Variants in RNF216 observed in about 807,000 individuals in gnomAD.
RNF216 encodes E3 ubiquitin-protein ligase RNF216.
Under a neutral mutation model 110.8 loss-of-function variants are expected in RNF216, and 72 were observed. That is an observed-to-expected ratio of 0.65 (90% CI 0.54 to 0.79). The LOEUF (loss-of-function observed/expected upper bound fraction) is 0.79, where lower values mean the gene tolerates loss of function less well. Ranked by LOEUF, RNF216 falls within the 30% of genes least tolerant of loss-of-function variation. The probability of loss-of-function intolerance (pLI) is 0.00; values close to 1 mark genes in which losing one functional copy is unlikely to be tolerated. For missense variants in RNF216, 1,342 were observed against 1,141.2 expected, an observed-to-expected ratio of 1.18 and a Z score of -2.54; for synonymous variants, 495 against 407.5, an observed-to-expected ratio of 1.21 and a Z score of -2.59.
chr7:5,708,025 A>G (rs919856820), intron 13 of RNF216, among the ~76,000 whole-genome samples: 1 of 152,006 alleles, frequency 6.6e-6, no homozygotes, highest in Non-Finnish European at 1.5e-5. Context: ...CCATGCCCGG[A>G]CAGTGTGTTT....
chr7:5,754,531 C>T (rs1562464237), intron 2 of RNF216, among the ~76,000 whole-genome samples: 1 of 151,972 alleles, frequency 6.6e-6, no homozygotes, highest in Non-Finnish European at 1.5e-5. Context: ...AAGACACACG[C>T]TATGGGGGAT....
rs540592129 is a variant in RNF216 at position 5,624,156 on chromosome 7, T to G, written c.2383-31A>C. On this transcript the variant is annotated intron_variant, in intron 15 of 16. Coordinates refer to ENST00000389902, the MANE Select transcript of RNF216 (RefSeq NM_207111.4). The surrounding 1 kb of genome is among the most constrained non-coding windows in gnomAD (Gnocchi z 4.4). ...ACGCAAGCAATGAGAAGGATGAACC[T>G]GTAGCTTCATGCAGTGCTGAGGCCC... 4 of 1,593,314 alleles carry G rather than the reference T, an allele frequency of 2.5e-6. No homozygotes were observed. In the Admixed American group the frequency reaches 6.7e-5, roughly 27 times the overall value.
At chr7:5,643,528 A>AC (rs1787868250) in intron 14 of RNF216, among the ~76,000 whole-genome samples, 1 of 152,034 alleles carries the variant, frequency 6.6e-6, no homozygotes, top group South Asian at 2.1e-4. Context: ...AGACTCCTGT[A>AC]GTTATCTGTG....
At chr7:5,693,352 C>T (rs143203704) in intron 13 of RNF216, among the ~76,000 whole-genome samples, 142 of 152,334 alleles carry the variant, frequency 9.3e-4, no homozygotes, top group Middle Eastern at 6.8e-3. Flanking sequence ...TGGATGTTTA[C>T]AGAAAAAGTC....
chr7:5,752,953 T>C lies in RNF216; in HGVS notation c.94A>G (p.Ile32Val), dbSNP rs757596414. Residue 32 changes from isoleucine (I) to valine (V), a missense_variant, in exon 3 of 17, where the codon ATC (isoleucine) becomes GTC (valine). Transcript: ENST00000389902. ...TCATCTGAGGAGTCAGATATGGTGA[T>C]GGGCCCATCTCGGAGATTGATCCAC... ...QEWINLRDGP[I>V]TISDSSDEER... 21 of 1,611,534 alleles carry C rather than the reference T, an allele frequency of 1.3e-5. No individual in the cohort carries two copies. Among genetic ancestry groups the C allele is most frequent in the Middle Eastern group, 1.7e-4 (1 of 6,030 alleles).
chr7:5,772,264 C>T (rs892189052), intron 1 of RNF216, among the ~76,000 whole-genome samples: 4 of 152,014 alleles, frequency 2.6e-5, no homozygotes, highest in African/African-American at 9.7e-5. Context: ...AATAAAACCA[C>T]AAGGAAATTC....
Position 5,712,699 on chromosome 7 carries a change from C to T in RNF216, c.1982+16G>A. 2 of 1,613,764 alleles carry T rather than the reference C, an allele frequency of 1.2e-6. No homozygotes were observed. The highest frequency in any genetic ancestry group is 8.5e-7 in the Non-Finnish European group (1 of 1,179,798). The stretch of plus-strand genomic sequence containing the variant: ...GGGAAGAGTTGGCAGATGGCACGCT[C>T]TGCCTGAGAACGAACCTGACAAGCT... On this transcript the variant is annotated intron_variant, in intron 12 of 16. Coordinates refer to ENST00000389902, the MANE Select transcript of RNF216 (RefSeq NM_207111.4).
chr7:5,741,571 C>G lies in RNF216; in HGVS notation c.446G>C (p.Ser149Thr). Residue 149 changes from serine to threonine, a missense_variant, in exon 4 of 17, where the codon AGT becomes ACT. Coordinates refer to ENST00000389902, the MANE Select transcript of RNF216 (RefSeq NM_207111.4). ...CTTGGGTTCTCTTTCTGTTTGGCCA[C>G]TTGGCTTAGTGAATTCAGAGATTCC... ...PPGISEFTKPSGQTEREPKPG... is the reference protein window; with the variant it reads ...PPGISEFTKPTGQTEREPKPG... 6.2e-7 allele frequency: 1 copy of G among 1,614,152 alleles called. No individual in the cohort carries two copies. Among genetic ancestry groups the G allele is most frequent in the Non-Finnish European group, 8.5e-7 (1 of 1,180,036 alleles).
At chr7:5,780,133 G>A (rs1387945049) in intron 1 of RNF216, 1 of 152,212 alleles carries the variant, frequency 6.6e-6, no homozygotes, top group Non-Finnish European at 1.5e-5. Context: ...CCTTCCAGGA[G>A]TAACAGCTTG....
At chr7:5,709,362 A>T (rs1412196856) in intron 13 of RNF216, among the ~76,000 whole-genome samples, 1 of 152,236 alleles carries the variant, frequency 6.6e-6, no homozygotes, top group Non-Finnish European at 1.5e-5. Flanking sequence ...CTGGAGAGCC[A>T]GCGTCACAAA....
chr7:5,710,314 C>A (rs1188816384), intron 13 of RNF216, among the ~76,000 whole-genome samples: 1 of 151,338 alleles, frequency 6.6e-6, no homozygotes, highest in Non-Finnish European at 1.5e-5. Context: ...GAGCTGAGAT[C>A]GTGCCACTGC....
intron 5 of RNF216, among the ~76,000 whole-genome samples, chr7:5,735,414 G>A (rs574729874): frequency 1.4e-4 from 21 of 152,218 alleles, no homozygotes; most frequent in African/African-American, 4.6e-4. Context: ...CAAACTCACA[G>A]AGAAGCTATG....
At position 5,723,646 on chromosome 7, in the gene RNF216, C is replaced by CA. The variant is rs948474564; in HGVS notation, c.1504+1677dup. On this transcript the variant is annotated intron_variant, in intron 8 of 16. Transcript: ENST00000389902. ...TGGGCGACAGAGCAAGACTCCGTCT[C>CA]AAAAAAAAAAAATAAATAAATAAAT... Among the ~76,000 whole-genome samples the CA allele has an allele frequency of 5.3e-3, 718 of 136,756 alleles. 3 individuals carry two copies. Among genetic ancestry groups the CA allele is most frequent in the African/African-American group, 0.016 (598 of 37,106 alleles). The allele number at this position is 136,756 out of a possible 152,430, so 89.7% of individuals were successfully genotyped here.
At chr7:5,648,758 A>G (rs1351985686) in intron 14 of RNF216, among the ~76,000 whole-genome samples, 2 of 151,842 alleles carry the variant, frequency 1.3e-5, no homozygotes, top group African/African-American at 4.8e-5. Flanking sequence ...AAAAAAAGAA[A>G]ACGCAGGGGA....
At chr7:5,642,577 C>A (rs1208729110) in intron 14 of RNF216, among the ~76,000 whole-genome samples, 1 of 151,594 alleles carries the variant, frequency 6.6e-6, no homozygotes. Context: ...CATGTCTCAG[C>A]TTCCCAAGTA....
chr7:5,646,975 A>G (rs1788086704), intron 14 of RNF216, among the ~76,000 whole-genome samples: 1 of 152,124 alleles, frequency 6.6e-6, no homozygotes, highest in East Asian at 1.9e-4. Flanking sequence ...TGAGCCCTAG[A>G]CATGTACGTA....
intron 7 of RNF216, among the ~76,000 whole-genome samples, chr7:5,725,765 G>A (rs1192927195): frequency 6.7e-6 from 1 of 149,306 alleles, no homozygotes; most frequent in Non-Finnish European, 1.5e-5. Context: ...CAGGAGAATC[G>A]CTTGAACCCA....
intron 1 of RNF216, among the ~76,000 whole-genome samples, chr7:5,764,620 C>T (rs905597744): frequency 6.6e-6 from 1 of 150,632 alleles, no homozygotes; most frequent in African/African-American, 2.4e-5. Flanking sequence ...TACACTCCAG[C>T]CTGGGCAACA....
At chr7:5,689,211 C>T (rs1004214951) in intron 13 of RNF216, among the ~76,000 whole-genome samples, 2 of 151,824 alleles carry the variant, frequency 1.3e-5, no homozygotes, top group Non-Finnish European at 1.5e-5. Flanking sequence ...GGATGCTTGA[C>T]GGGGGCAAAG....
Sources: allele counts gnomAD v4.1 joint callset (sites outside exome capture counted in the v4.1 genomes callset), GRCh38; gene constraint gnomAD v4.1.1; non-coding constraint Gnocchi (gnomAD v3.1); transcripts MANE v1.5; gene names NCBI Gene and HGNC (gene_info 2026-07-23, HGNC 2026-07-21).